The following PGR variants were observed in gnomAD, a reference collection of about 807,000 sequenced individuals.
PGR encodes progesterone receptor.
Under a neutral mutation model 76.1 loss-of-function variants are expected in PGR, and 25 were observed. The observed-to-expected ratio is 0.33, with a 90% CI of 0.24 to 0.46. The LOEUF (loss-of-function observed/expected upper bound fraction) is 0.46. Among genes scored for constraint, PGR ranks in the 20% least tolerant of loss-of-function variants. The pLI is 1.00. For missense variants in PGR, 1,172 were observed against 1,225.3 expected, an observed-to-expected ratio of 0.96 and a Z score of 0.65; for synonymous variants, 579 against 535.0, an observed-to-expected ratio of 1.08 and a Z score of -1.14.
intron 3 of PGR, among the ~76,000 whole-genome samples, chr11:101,082,125 ACTCT>A (rs3067562): frequency 2.7e-5 from 4 of 145,596 alleles, no homozygotes; most frequent in South Asian, 2.2e-4. Flanking sequence ...TTCCCCTCTC[ACTCT>A]CTCTCTCTCT....
chr11:101,046,059 T>C (rs1859864804), intron 6 of PGR, among the ~76,000 whole-genome samples: 1 of 151,842 alleles, frequency 6.6e-6, no homozygotes, highest in South Asian at 2.1e-4. Flanking sequence ...AATCATTTTT[T>C]CTTAATTTTT....
intron 3 of PGR, among the ~76,000 whole-genome samples, chr11:101,085,270 C>A (rs1325896613): frequency 2.0e-5 from 3 of 151,744 alleles, no homozygotes; most frequent in African/African-American, 4.8e-5. Flanking sequence ...CAAAGAGAAA[C>A]CAACATCAAG....
At chr11:101,102,526 G>A (rs1377496385) in intron 2 of PGR, among the ~76,000 whole-genome samples, 1 of 152,134 alleles carries the variant, frequency 6.6e-6, no homozygotes, top group Non-Finnish European at 1.5e-5. Flanking sequence ...GTCAGGGGAT[G>A]GTCATGTAAA....
At chr11:101,044,700 C>CTTTTTTTTTTTTTTTTTTTTTTTTTT (rs34361620) in intron 6 of PGR, among the ~76,000 whole-genome samples, 1 of 75,848 alleles carries the variant, frequency 1.3e-5, no homozygotes, top group Non-Finnish European at 2.5e-5. Flanking sequence ...GGCCTAATTG[C>CTTTTTTTTTTTTTTTTTTTTTTTTTT]TTTTTTTTTT....
At chr11:101,080,239 T>A (rs528363643) in intron 3 of PGR, among the ~76,000 whole-genome samples, 1 of 152,038 alleles carries the variant, frequency 6.6e-6, no homozygotes, top group Non-Finnish European at 1.5e-5. Context: ...CAAGTATATA[T>A]CCAGCCACAT....
At chr11:101,043,708 G>C (rs1017318441) in intron 6 of PGR, among the ~76,000 whole-genome samples, 5 of 152,134 alleles carry the variant, frequency 3.3e-5, no homozygotes, top group African/African-American at 9.7e-5. Context: ...TGTTGTGTTA[G>C]CAGAAATGAA....
intron 2 of PGR, among the ~76,000 whole-genome samples, chr11:101,104,090 A>G (rs1348698126): frequency 1.3e-5 from 2 of 152,244 alleles, no homozygotes; most frequent in Admixed American, 6.5e-5. Flanking sequence ...TATTTCTTGA[A>G]TATCTACTAT....
chr11:101,104,334 A>T (rs1200130733), intron 2 of PGR, among the ~76,000 whole-genome samples: 1 of 152,204 alleles, frequency 6.6e-6, no homozygotes, highest in East Asian at 1.9e-4. Flanking sequence ...ATAGACTTTC[A>T]TTCAAATTCA....
At chr11:101,060,353 C>A (rs1276259103) in intron 4 of PGR, among the ~76,000 whole-genome samples, 1 of 152,162 alleles carries the variant, frequency 6.6e-6, no homozygotes, top group East Asian at 1.9e-4. Flanking sequence ...AAACTGATGA[C>A]CAGATGCTAG....
intron 4 of PGR, among the ~76,000 whole-genome samples, chr11:101,060,168 G>C (rs1860440116): frequency 1.3e-5 from 2 of 152,080 alleles, no homozygotes; most frequent in African/African-American, 4.8e-5. Context: ...TAAGTATTAT[G>C]TATATTTATA....
chr11:101,113,566 G>A (rs1031879961), intron 2 of PGR, among the ~76,000 whole-genome samples: 8 of 151,936 alleles, frequency 5.3e-5, no homozygotes, highest in African/African-American at 1.9e-4. Context: ...CATTGCACCC[G>A]GCCTATATAT....
intron 3 of PGR, among the ~76,000 whole-genome samples, chr11:101,076,207 C>A (rs1217291571): frequency 1.3e-5 from 2 of 151,410 alleles, no homozygotes; most frequent in African/African-American, 4.9e-5. Context: ...TCAGAGCAAA[C>A]TAACACAAGA....
At chr11:101,102,485 A>G (rs1862024385) in intron 2 of PGR, among the ~76,000 whole-genome samples, 2 of 152,230 alleles carry the variant, frequency 1.3e-5, no homozygotes, top group Admixed American at 6.5e-5. Context: ...AGAATGAGAC[A>G]AAGGTTCAGA....
intron 3 of PGR, among the ~76,000 whole-genome samples, chr11:101,074,707 T>C (rs896554082): frequency 6.6e-6 from 1 of 152,086 alleles, no homozygotes; most frequent in Non-Finnish European, 1.5e-5. Context: ...AGCCCAAACA[T>C]GACTGAACTC....
intron 7 of PGR, among the ~76,000 whole-genome samples, chr11:101,040,698 G>T (rs1467564706): frequency 6.6e-6 from 1 of 151,812 alleles, no homozygotes; most frequent in Non-Finnish European, 1.5e-5. Context: ...TTCATTTCTG[G>T]CCTGGTACAA....
In PGR at chr11:101,075,837, T is replaced by C. The variant is rs1205374029; in HGVS notation, c.1907-13085A>G. ...GAAACAATAGATGCCGGAAAAGATG[T>C]GGAGAAATAGGAAAGCTTTTACGCT... On this transcript the variant is annotated intron_variant, in intron 3 of 7. Coordinates refer to ENST00000325455, the MANE Select transcript of PGR (RefSeq NM_000926.4). Among the ~76,000 whole-genome samples the C allele has an allele frequency of 2.0e-5, 3 of 152,192 alleles. No homozygotes were observed. The South Asian group carries it at 6.2e-4, about 32-fold the overall frequency.
intron 6 of PGR, among the ~76,000 whole-genome samples, chr11:101,042,920 C>T (rs618972): frequency 0.072 from 10,983 of 152,172 alleles, 437 homozygotes; most frequent in East Asian, 0.19. Flanking sequence ...TCTGAGTCTT[C>T]CCTGAGTCAA....
In PGR at chr11:101,062,728, T is replaced by G. The variant is rs761481882; in HGVS notation, c.1931A>C (p.Lys644Thr). 4 of 1,611,832 alleles carry G rather than the reference T, an allele frequency of 2.5e-6. No individual in the cohort carries two copies. Among genetic ancestry groups the G allele is most frequent in the Non-Finnish European group, 2.5e-6 (3 of 1,179,478 alleles). Residue 644 changes from lysine (K) to threonine (T), a missense_variant, in exon 4 of 8, where the codon AAA becomes ACA. Physicochemically the swap from Lys to Thr is moderately conservative, Grantham distance 78 (BLOSUM62 -1). Coordinates refer to ENST00000325455, the MANE Select transcript of PGR (RefSeq NM_000926.4). ...ATCCAGTGCTCTCACAACTCTGACT[T>G]TATTGAACTTTTTAAATTTTCGACC... ...LGGRKFKKFN[K>T]VRVVRALDAV... is the part of the protein sequence containing the mutation.
intron 5 of PGR, chr11:101,050,961 C>A: frequency 4.0e-6 from 1 of 248,046 alleles, no homozygotes; most frequent in East Asian, 1.4e-4. Flanking sequence ...TGAAAAGATT[C>A]TTATTCAGTT....
Sources: allele counts gnomAD v4.1 joint callset (sites outside exome capture counted in the v4.1 genomes callset), GRCh38; gene constraint gnomAD v4.1.1; transcripts MANE v1.5; gene names NCBI Gene and HGNC (gene_info 2026-07-23, HGNC 2026-07-21).